The following PAXIP1 variants were observed in gnomAD, a reference collection of about 807,000 sequenced individuals.
PAXIP1 encodes PAX-interacting protein 1.
In PAXIP1, 19 loss-of-function variants were observed where a neutral mutation model predicts 140.6. The ratio of observed to expected loss-of-function variants is 0.14; its 90% CI spans 0.09 to 0.20. PAXIP1 has a LOEUF of 0.20. Among genes scored for constraint, PAXIP1 ranks in the 10% least tolerant of loss-of-function variants. The pLI is 1.00. For missense variants in PAXIP1, 920 were observed against 1,208.6 expected (o/e 0.76, Z 3.54); for synonymous variants, 442 against 444.6 (o/e 0.99, Z 0.07).
At chr7:154,947,594 C>A in intron 17 of PAXIP1, 1 of 269,050 alleles carries the variant, frequency 3.7e-6, no homozygotes, top group Non-Finnish European at 7.1e-6. Flanking sequence ...GAAAAATGAA[C>A]ATGCCTCTTA....
At chr7:154,978,586 C>T (rs1204086660) in intron 5 of PAXIP1, among the ~76,000 whole-genome samples, 1 of 152,162 alleles carries the variant, frequency 6.6e-6, no homozygotes, top group African/African-American at 2.4e-5. Context: ...TTCTGGACTA[C>T]CCATTCCAGA....
intron 2 of PAXIP1, among the ~76,000 whole-genome samples, chr7:154,995,661 C>G (rs765422310): frequency 2.0e-5 from 3 of 152,084 alleles, no homozygotes; most frequent in South Asian, 2.1e-4. Flanking sequence ...ACCAGCCTGG[C>G]CAACATGGTG....
chr7:154,990,770 T>C (rs1810294449), intron 4 of PAXIP1, among the ~76,000 whole-genome samples: 1 of 152,220 alleles, frequency 6.6e-6, no homozygotes, highest in Non-Finnish European at 1.5e-5. Context: ...TTTTTTCATA[T>C]TCAAGTTTTA....
At chr7:154,960,700 A>AAAACAC (rs1255990338) in intron 12 of PAXIP1, among the ~76,000 whole-genome samples, 193 bp downstream of exon 12, 6 of 152,100 alleles carry the variant, frequency 3.9e-5, no homozygotes, top group Non-Finnish European at 8.8e-5. Flanking sequence ...AACAAAAACA[A>AAAACAC]AAACCAACCA....
At chr7:154,945,916 T>C in intron 20 of PAXIP1, 2 of 985,438 alleles carry the variant, frequency 2.0e-6, no homozygotes, top group Non-Finnish European at 2.4e-6. Context: ...GACATGTTGA[T>C]GAAGTATTCA....
At chr7:154,975,166 A>C (rs1253855945) in intron 6 of PAXIP1, among the ~76,000 whole-genome samples, 5 of 151,630 alleles carry the variant, frequency 3.3e-5, no homozygotes, top group East Asian at 1.9e-4. Flanking sequence ...CAAAAAAAAA[A>C]AAAAAAACAA....
intron 5 of PAXIP1, among the ~76,000 whole-genome samples, chr7:154,982,765 A>G (rs1250160083): frequency 6.6e-6 from 1 of 152,228 alleles, no homozygotes; most frequent in Non-Finnish European, 1.5e-5. Context: ...TGAGAGCCCT[A>G]TGCTTATCAA....
chr7:154,996,920 G>T (rs1810651934), intron 2 of PAXIP1, among the ~76,000 whole-genome samples: 1 of 152,182 alleles, frequency 6.6e-6, no homozygotes, highest in Admixed American at 6.5e-5. Context: ...CCCCAAGGAT[G>T]TGTTAGAAAG....
At chr7:154,947,790 G>C in intron 17 of PAXIP1, 113 bp downstream of exon 17, 1 of 783,326 alleles carries the variant, frequency 1.3e-6, no homozygotes, top group Non-Finnish European at 2.3e-6. Flanking sequence ...GGGATGCAGG[G>C]TGAGCCCAGC....
rs953539835 is a variant in PAXIP1, at chr7:154,968,421, G to A, written c.1780C>T (p.His594Tyr). Reference protein sequence around the residue: ...PSPQQHQLFGHDPAVEIPEEG... With the variant: ...PSPQQHQLFGYDPAVEIPEEG... Reference sequence around the variant, plus strand: ...TACTAACTCTCCACTGCTGGATCATGTCCAAAAAGCTGATGCTGCTGAGGC... The same window carrying A: ...TACTAACTCTCCACTGCTGGATCATATCCAAAAAGCTGATGCTGCTGAGGC... Residue 594 changes from histidine (H) to tyrosine (Y), a missense_variant, in exon 7 of 21, where the codon CAT becomes TAT. Physicochemically the swap from His to Tyr is moderately conservative, Grantham distance 83. Transcript: ENST00000404141. 3 of 1,548,146 alleles carry A rather than the reference G, an allele frequency of 1.9e-6. No individual in the cohort carries two copies. The highest frequency in any genetic ancestry group is 2.0e-5 in the Admixed American group (1 of 50,890).
intron 9 of PAXIP1, among the ~76,000 whole-genome samples, chr7:154,962,849 C>CAAAA (rs1808818194): frequency 6.6e-6 from 1 of 152,172 alleles, no homozygotes; most frequent in African/African-American, 2.4e-5. Flanking sequence ...AAAAAAGTCT[C>CAAAA]AGAAGTATTT....
At position 154,975,940 on chromosome 7, in the gene PAXIP1, G is replaced by A; in HGVS notation, c.830C>T (p.Ala277Val). 6.2e-7 allele frequency: 1 copy of A among 1,613,930 alleles called. No homozygotes were observed. Among genetic ancestry groups the A allele is most frequent in the South Asian group, 1.1e-5 (1 of 91,072 alleles). ...TPAEVPQLAAAKRRLPQGKEP... is the reference protein window; with the variant it reads ...TPAEVPQLAAVKRRLPQGKEP... Reference sequence around the variant, plus strand: ...CTTTCCCTGAGGCAGCCTGCGTTTTGCTGCAGCTAACTGTGGGACTTCGGC... The same window carrying A: ...CTTTCCCTGAGGCAGCCTGCGTTTTACTGCAGCTAACTGTGGGACTTCGGC... Residue 277 changes from alanine to valine, a missense_variant, in exon 6 of 21, where the codon GCA (alanine) becomes GTA (valine). Transcript: ENST00000404141.
chr7:154,960,061 A>AAT (rs1808691392), intron 12 of PAXIP1, 128 bp from the exon 13 acceptor site: 1 of 662,402 alleles, frequency 1.5e-6, no homozygotes, highest in African/African-American at 1.8e-5. Context: ...AATAAGGATA[A>AAT]ATGTAAGTAC....
At chr7:154,989,125 A>G (rs1452523007) in intron 4 of PAXIP1, among the ~76,000 whole-genome samples, 1 of 152,248 alleles carries the variant, frequency 6.6e-6, no homozygotes, top group Non-Finnish European at 1.5e-5. Context: ...AAGGATCTCC[A>G]TCAAATTAAT....
chr7:154,970,725 C>A (rs1809267994), intron 6 of PAXIP1, among the ~76,000 whole-genome samples: 1 of 152,166 alleles, frequency 6.6e-6, no homozygotes, highest in Non-Finnish European at 1.5e-5. Flanking sequence ...CTGGTGGGCA[C>A]CAGCCATGAG....
intron 4 of PAXIP1, chr7:154,983,744 G>T (rs2150774364): frequency 6.3e-6 from 1 of 159,274 alleles, no homozygotes; most frequent in South Asian, 1.8e-4. Context: ...CGTATTTTAG[G>T]AATGCCTTTA....
rs761443466 is a variant in PAXIP1, at chr7:154,963,438, G to A, written c.1989+233C>T. 6.6e-6 allele frequency among the ~76,000 whole-genome samples: 1 copy of A among 152,050 alleles called. No individual in the cohort carries two copies. The highest frequency in any genetic ancestry group is 1.5e-5 in the Non-Finnish European group (1 of 67,988). ...ACCCGTCCACCTCGGCCTCCTGTCC[G>A]CCCTTTCTTAACACCACCTGGGAAC... On this transcript the variant is annotated intron_variant, in intron 9 of 20. Transcript: ENST00000404141. The surrounding 1 kb of genome is among the most constrained non-coding windows in gnomAD (Gnocchi z 4.1).
chr7:154,944,242 T>C (rs2150733332), intron 20 of PAXIP1, 78 bp from the exon 21 acceptor site: 2 of 1,310,554 alleles, frequency 1.5e-6, no homozygotes, highest in Non-Finnish European at 2.1e-6. Flanking sequence ...ACATTCATCA[T>C]CCAGTTTCAG....
intron 2 of PAXIP1, among the ~76,000 whole-genome samples, chr7:154,997,198 T>C (rs1269420000): frequency 6.6e-6 from 1 of 152,244 alleles, no homozygotes; most frequent in African/African-American, 2.4e-5. Flanking sequence ...GTGGCTTCTC[T>C]GGCCCCGCAA....
Sources: allele counts gnomAD v4.1 joint callset (sites outside exome capture counted in the v4.1 genomes callset), GRCh38; gene constraint gnomAD v4.1.1; non-coding constraint Gnocchi (gnomAD v3.1); transcripts MANE v1.5; gene names NCBI Gene and HGNC (gene_info 2026-07-23, HGNC 2026-07-21).